Variants in GALNT2 observed in about 807,000 individuals in gnomAD.
GALNT2 encodes the protein polypeptide N-acetylgalactosaminyltransferase 2.
GALNT2 carries 31 observed loss-of-function variants against 81.4 expected under a neutral mutation model. That is an observed-to-expected ratio of 0.38 (90% CI 0.29 to 0.51). GALNT2 has a LOEUF of 0.51. Among genes scored for constraint, GALNT2 ranks in the 20% least tolerant of loss-of-function variants. The probability of loss-of-function intolerance (pLI) is 0.87; values close to 1 mark genes in which losing one functional copy is unlikely to be tolerated. For missense variants in GALNT2, 629 were observed against 765.7 expected, an observed-to-expected ratio of 0.82 and a Z score of 2.11; for synonymous variants, 303 against 287.4, an observed-to-expected ratio of 1.05 and a Z score of -0.55.
chr1:230,223,538 G>A (rs1044536826), intron 3 of GALNT2, among the ~76,000 whole-genome samples: 3 of 150,642 alleles, frequency 2.0e-5, no homozygotes, highest in Admixed American at 6.6e-5. Flanking sequence ...GTGTGATCTC[G>A]GCTTACTGCA....
chr1:230,065,873 C>G (rs1318939240), upstream of GALNT2, among the ~76,000 whole-genome samples: 1 of 152,212 alleles, frequency 6.6e-6, no homozygotes, highest in African/African-American at 2.4e-5. Context: ...AAGGCTCCTT[C>G]AAGCCTCTCA....
intron 1 of GALNT2, among the ~76,000 whole-genome samples, chr1:230,110,976 G>T (rs902049837): frequency 6.6e-6 from 1 of 152,096 alleles, no homozygotes; most frequent in Non-Finnish European, 1.5e-5. Context: ...TAGAATTGTT[G>T]TTCATACCTG....
intron 1 of GALNT2, among the ~76,000 whole-genome samples, chr1:230,169,306 G>A (rs1662713595): frequency 6.6e-6 from 1 of 152,220 alleles, no homozygotes; most frequent in Non-Finnish European, 1.5e-5. Context: ...GTTCAAAGGG[G>A]ATGGGATAGA....
intron 1 of GALNT2, among the ~76,000 whole-genome samples, chr1:230,127,609 C>T (rs567025583): frequency 3.7e-4 from 57 of 152,002 alleles, no homozygotes; most frequent in Admixed American, 2.4e-3. Flanking sequence ...CTCTTGACCT[C>T]GTGATCCACC....
chr1:230,250,869 A>AAAC (rs1553273807), intron 10 of GALNT2, among the ~76,000 whole-genome samples: 1 of 152,146 alleles, frequency 6.6e-6, no homozygotes, highest in Non-Finnish European at 1.5e-5. Flanking sequence ...AAACAGAGGG[A>AAAC]AACAGTCCAG....
chr1:230,087,672 C>T (rs79920943), intron 1 of GALNT2, among the ~76,000 whole-genome samples: 4,315 of 152,266 alleles, frequency 0.028, 93 homozygotes, highest in South Asian at 0.064. Context: ...CTGGGGACAG[C>T]TGGTTAGGAA....
At chr1:230,093,215 A>T (rs571153877) in intron 1 of GALNT2, among the ~76,000 whole-genome samples, 1 of 152,336 alleles carries the variant, frequency 6.6e-6, no homozygotes, top group Admixed American at 6.5e-5. Flanking sequence ...ATACAATGAA[A>T]CATTTTCTTG....
intron 3 of GALNT2, among the ~76,000 whole-genome samples, chr1:230,218,194 A>C (rs1312760007): frequency 1.3e-5 from 2 of 152,320 alleles, no homozygotes; most frequent in Middle Eastern, 3.4e-3. Context: ...TGCCTTTGGA[A>C]GGTAGAGATG....
At chr1:230,100,454 T>C (rs2102777236) in intron 1 of GALNT2, among the ~76,000 whole-genome samples, 1 of 151,756 alleles carries the variant, frequency 6.6e-6, no homozygotes, top group East Asian at 1.9e-4. Flanking sequence ...GCTTCCCGAG[T>C]AGCTGGGATT....
chr1:230,198,875 T>C (rs960762196), intron 2 of GALNT2, among the ~76,000 whole-genome samples: 2 of 152,220 alleles, frequency 1.3e-5, no homozygotes, highest in African/African-American at 4.8e-5. Flanking sequence ...TCGCAGCCCT[T>C]TTTAGGATAA....
At chr1:230,128,459 C>G (rs904367873) in intron 1 of GALNT2, among the ~76,000 whole-genome samples, 1 of 152,106 alleles carries the variant, frequency 6.6e-6, no homozygotes, top group Admixed American at 6.5e-5. Flanking sequence ...TGCATGGCTG[C>G]TTATTAAATT....
intron 8 of GALNT2, among the ~76,000 whole-genome samples, chr1:230,247,431 G>A (rs891787782): frequency 2.0e-5 from 3 of 152,190 alleles, no homozygotes; most frequent in Non-Finnish European, 4.4e-5. Context: ...GGCCACACAG[G>A]GCATAATGGA....
intron 3 of GALNT2, among the ~76,000 whole-genome samples, chr1:230,222,961 T>A (rs1389885155): frequency 2.0e-5 from 3 of 152,184 alleles, no homozygotes; most frequent in African/African-American, 4.8e-5. Flanking sequence ...TGATGGGTAT[T>A]TTTTAAAAGC....
intron 2 of GALNT2, among the ~76,000 whole-genome samples, chr1:230,195,459 G>A (rs892225377): frequency 2.0e-5 from 3 of 152,112 alleles, no homozygotes; most frequent in African/African-American, 7.2e-5. Context: ...AAGAGAGAGG[G>A]TGCAGAGAGG....
chr1:230,190,349 G>A (rs1249714946), intron 2 of GALNT2, among the ~76,000 whole-genome samples: 3 of 152,232 alleles, frequency 2.0e-5, no homozygotes, highest in African/African-American at 7.2e-5. Flanking sequence ...TCCTCTGCAT[G>A]GGATGCGCCA....
At chr1:230,262,384 G>A (rs1373611464) in intron 11 of GALNT2, 189 bp from the exon 12 acceptor site, 23 of 568,640 alleles carry the variant, frequency 4.0e-5, no homozygotes, top group Non-Finnish European at 7.2e-5. Context: ...CGCTGAGGCT[G>A]GCTCCCCACA....
At chr1:230,083,398 G>A (rs985770789) in intron 1 of GALNT2, among the ~76,000 whole-genome samples, 3 of 149,976 alleles carry the variant, frequency 2.0e-5, no homozygotes, top group Non-Finnish European at 4.4e-5. Flanking sequence ...GGATGATGGA[G>A]CAGGGAGCGG....
At chr1:230,067,042 C>A (rs1659206180), upstream of GALNT2, among the ~76,000 whole-genome samples, 1 of 148,432 alleles carries the variant, frequency 6.7e-6, no homozygotes, top group African/African-American at 2.4e-5. Context: ...CTCCCTGACC[C>A]CCCTCGCCGC....
intron 1 of GALNT2, among the ~76,000 whole-genome samples, chr1:230,117,692 C>A (rs150709175): frequency 1.3e-5 from 2 of 152,306 alleles, no homozygotes; most frequent in African/African-American, 4.8e-5. Flanking sequence ...TGATTAGTAT[C>A]ATCAAAGACC....
Sources: allele counts gnomAD v4.1 joint callset (sites outside exome capture counted in the v4.1 genomes callset), GRCh38; gene constraint gnomAD v4.1.1; transcripts MANE v1.5; gene names NCBI Gene and HGNC (gene_info 2026-07-23, HGNC 2026-07-21).